Variants in PCM1 observed in about 807,000 individuals in gnomAD.
PCM1 encodes pericentriolar material 1, also known as pericentriolar material 1 protein.
A neutral mutation model predicts 241.9 loss-of-function variants in PCM1; 157 were observed. That is an observed-to-expected ratio of 0.65 (90% CI 0.57 to 0.74). PCM1 has a LOEUF of 0.74. PCM1 is among the 30% of genes least tolerant of loss of function. The pLI, the probability that PCM1 is intolerant of heterozygous loss-of-function variation, is 0.00. For missense variants in PCM1, 3,478 were observed against 2,360.1 expected, an observed-to-expected ratio of 1.47 and a Z score of -9.81; for synonymous variants, 1,085 against 784.9, an observed-to-expected ratio of 1.38 and a Z score of -6.39.
At chr8:17,978,264 A>C (rs1164384393) in intron 23 of PCM1, among the ~76,000 whole-genome samples, 3 of 152,140 alleles carry the variant, frequency 2.0e-5, no homozygotes, top group East Asian at 3.9e-4. Flanking sequence ...TTAGAGACTT[A>C]CAAGAAGTTC....
At chr8:17,928,822 G>T (rs1405952264) in intron 2 of PCM1, among the ~76,000 whole-genome samples, 1 of 151,800 alleles carries the variant, frequency 6.6e-6, no homozygotes, top group African/African-American at 2.4e-5. Flanking sequence ...AGTGGAAACA[G>T]GGTTTCGCAG....
chr8:17,984,043 G>A (rs1235066509), intron 24 of PCM1, among the ~76,000 whole-genome samples: 1 of 152,132 alleles, frequency 6.6e-6, no homozygotes, highest in Non-Finnish European at 1.5e-5. Flanking sequence ...ATAAATTTCA[G>A]TTCAGGAGGA....
Position 18,010,610 on chromosome 8 carries a change from C to T in PCM1, c.5162C>T (p.Ala1721Val). The change falls in exon 32 of 39, where the codon GCT (alanine) becomes GTT (valine). Residue 1721 changes from alanine (A) to valine (V), a missense_variant and splice_region_variant. Ala to Val is a moderately conservative substitution (Grantham distance 64, BLOSUM62 0). Coordinates refer to ENST00000325083, the MANE Select transcript of PCM1 (RefSeq NM_006197.4). ...TGVIQSCAKE[A>V]KRILEDHGSP... ...CTGTGTAATTGATTTGTTTTAAAGG[C>T]TAAAAGGATTCTTGAAGATCATGGC... 1 of 1,594,034 alleles carries T rather than the reference C, an allele frequency of 6.3e-7. No individual in the cohort carries two copies. Among genetic ancestry groups the T allele is most frequent in the East Asian group, 2.3e-5 (1 of 44,312 alleles).
chr8:18,022,838 G>T (rs2093866056), intron 36 of PCM1, among the ~76,000 whole-genome samples: 1 of 152,094 alleles, frequency 6.6e-6, no homozygotes, highest in Non-Finnish European at 1.5e-5. Context: ...AACTGACATT[G>T]GTTCAAAGGA....
At chr8:18,004,718 C>A (rs1178865975) in intron 29 of PCM1, among the ~76,000 whole-genome samples, 1 of 152,176 alleles carries the variant, frequency 6.6e-6, no homozygotes, top group Non-Finnish European at 1.5e-5. Flanking sequence ...TCTTGACTCT[C>A]TTTATGTCAT....
intron 8 of PCM1, among the ~76,000 whole-genome samples, chr8:17,952,409 A>G (rs946173184): frequency 7.9e-5 from 12 of 152,102 alleles, no homozygotes; most frequent in African/African-American, 2.9e-4. Context: ...TTTTGATTCA[A>G]TTACTGATGT....
intron 22 of PCM1, 43 bp downstream of exon 22, chr8:17,969,791 T>G: frequency 7.1e-7 from 1 of 1,400,430 alleles, no homozygotes; most frequent in Non-Finnish European, 1.0e-6. Context: ...ACATTCACTT[T>G]TGTGATTACA....
chr8:17,923,695 A>G (rs576379570), intron 1 of PCM1, among the ~76,000 whole-genome samples: 2 of 151,974 alleles, frequency 1.3e-5, no homozygotes, highest in African/African-American at 4.8e-5. Context: ...GAAGAGTTGC[A>G]GTTGGGCTGT....
chr8:17,949,311 G>T (rs2065102162), intron 7 of PCM1, among the ~76,000 whole-genome samples: 1 of 151,998 alleles, frequency 6.6e-6, no homozygotes, highest in Non-Finnish European at 1.5e-5. Flanking sequence ...TTACCTCAAA[G>T]AGTGTCCCTT....
At chr8:18,006,511 A>T (rs17514686) in intron 30 of PCM1, 114 bp downstream of exon 30, 2 of 673,504 alleles carry the variant, frequency 3.0e-6, no homozygotes, top group African/African-American at 3.6e-5. Flanking sequence ...TGGACATCCA[A>T]TCTAGCGTCC....
At chr8:17,990,972 C>A (rs1442191403) in intron 27 of PCM1, among the ~76,000 whole-genome samples, 1 of 152,090 alleles carries the variant, frequency 6.6e-6, no homozygotes, top group Non-Finnish European at 1.5e-5. Flanking sequence ...CCAACCCTCA[C>A]CCCTTAGGTT....
chr8:17,940,152 T>G, intron 6 of PCM1: 1 of 1,523,422 alleles, frequency 6.6e-7, no homozygotes. Context: ...AGGCTTCAGA[T>G]ACCACGGTAA....
chr8:17,961,246 A>T (rs1275193081), intron 15 of PCM1, among the ~76,000 whole-genome samples: 3 of 151,530 alleles, frequency 2.0e-5, no homozygotes, highest in African/African-American at 7.3e-5. Flanking sequence ...TAATCAGTTA[A>T]TAATATGGGA....
intron 36 of PCM1, 109 bp downstream of exon 36, chr8:18,014,949 G>A (rs1223051121): frequency 1.1e-6 from 1 of 903,200 alleles, no homozygotes; most frequent in African/African-American, 1.7e-5. Flanking sequence ...TTTAGGTTTA[G>A]AACATGTTGG....
At position 17,969,558 on chromosome 8, in the gene PCM1, C is replaced by G. The variant is rs778007493; in HGVS notation, c.3413-19C>G. ...GACATTTATTTATTTTTCTCTTACC[C>G]ATTGCTTTTACTGATTAGGTATGAA... is the stretch of plus-strand genomic sequence containing the variant. On this transcript the variant is annotated intron_variant, in intron 21 of 38. Transcript: ENST00000325083. 4.0e-6 allele frequency: 6 copies of G among 1,513,270 alleles called. No homozygotes were observed. Among genetic ancestry groups the G allele is most frequent in the Non-Finnish European group, 5.4e-6 (6 of 1,117,226 alleles). The allele number at this position is 1,513,270 out of a possible 1,614,324, so 93.7% of individuals were successfully genotyped here.
In PCM1 at chr8:18,008,491, C is replaced by CG. The variant is rs1451702116; in HGVS notation, c.4963-1055dup. On this transcript the variant is annotated intron_variant, in intron 30 of 38. Coordinates refer to ENST00000325083, the MANE Select transcript of PCM1 (RefSeq NM_006197.4). ...TCAATGTAATGTGCTTGAATCATTC[C>CG]GAAACCTTCCCCCAAGCTATGGTTG... 2.0e-5 allele frequency among the ~76,000 whole-genome samples: 3 copies of CG among 152,086 alleles called. No individual in the cohort carries two copies. The East Asian group carries it at 5.8e-4, about 29-fold the overall frequency.
At chr8:17,976,117 G>T (rs575290404) in intron 23 of PCM1, among the ~76,000 whole-genome samples, 70 of 152,232 alleles carry the variant, frequency 4.6e-4, no homozygotes, top group African/African-American at 1.6e-3. Flanking sequence ...AATGAAGATG[G>T]ACATGAAATG....
rs145539051 is a variant in PCM1 at position 17,989,909 on chromosome 8, A to G, written c.4461A>G (p.Gln1487=). ...GAGAAACCCATAAAATAAGTGAGCAAAATGATGCTGATAATGCTAGTGTCC... is the reference window on the plus strand; with the variant it reads ...GAGAAACCCATAAAATAAGTGAGCAGAATGATGCTGATAATGCTAGTGTCC... ...FERETHKISE[Q]NDADNASVLS... is the part of the protein sequence containing the mutation. The change falls in exon 27 of 39, where the codon CAA becomes CAG. Residue 1487 remains glutamine (Q), a synonymous_variant. Transcript: ENST00000325083. 23,928 of 1,546,696 alleles carry G rather than the reference A, an allele frequency of 0.015. 257 individuals carry two copies. The highest frequency in any genetic ancestry group is 0.019 in the Non-Finnish European group (22,016 of 1,143,532).
At chr8:17,959,938 G>A (rs2070874288) in intron 13 of PCM1, 76 bp from the exon 14 acceptor site, 3 of 1,356,154 alleles carry the variant, frequency 2.2e-6, no homozygotes, top group Admixed American at 2.3e-5. Flanking sequence ...TTACAGACTA[G>A]TGGTATTTAC....
Sources: gnomAD v4.1 joint callset for allele counts (sites outside exome capture counted in the v4.1 genomes callset) on GRCh38, gnomAD v4.1.1 for gene constraint, MANE v1.5 for transcripts, NCBI Gene and HGNC (gene_info 2026-07-23, HGNC 2026-07-21) for gene names.